MTOR: variants seen among roughly 807,000 people sequenced by gnomAD.
MTOR encodes mechanistic target of rapamycin kinase, also known as serine/threonine-protein kinase mTOR.
MTOR carries 70 observed loss-of-function variants against 319.8 expected under a neutral mutation model. That is an observed-to-expected ratio of 0.22 (90% CI 0.18 to 0.27). The LOEUF (loss-of-function observed/expected upper bound fraction) is 0.27. Ranked by LOEUF, MTOR falls within the 10% of genes least tolerant of loss-of-function variation. MTOR has a pLI of 1.00. For synonymous variants in MTOR, 1,183 were observed against 1,211.4 expected, an observed-to-expected ratio of 0.98 and a Z score of 0.49; for missense variants, 1,890 against 3,274.4, an observed-to-expected ratio of 0.58 and a Z score of 10.32.
At position 11,212,515 on chromosome 1, in the gene MTOR, T is replaced by C; in HGVS notation, c.3399-41A>G. On this transcript the variant is annotated intron_variant, in intron 22 of 57. Transcript: ENST00000361445. This position sits in a 1 kb window ranked among gnomAD's most constrained non-coding sequence, Gnocchi z 4.1. ...ACATACAGTAACTGCTAACATACAA[T>C]CTCCAAGGAAGAGACGTGACTGAGG... 1 of 1,593,932 alleles carries C rather than the reference T, an allele frequency of 6.3e-7. No homozygotes were observed.
intron 33 of MTOR, 52 bp downstream of exon 33, chr1:11,144,916 A>C (rs1404949685): frequency 4.4e-6 from 7 of 1,597,770 alleles, no homozygotes; most frequent in Non-Finnish European, 6.0e-6. Context: ...TTCTGAAAAA[A>C]GTATGGAAAT....
intron 5 of MTOR, among the ~76,000 whole-genome samples, chr1:11,255,357 T>C (rs1303035165): frequency 8.2e-6 from 1 of 122,536 alleles, no homozygotes; most frequent in Non-Finnish European, 1.6e-5. Flanking sequence ...AACTCCAGCT[T>C]GGTGACAGAA....
intron 9 of MTOR, among the ~76,000 whole-genome samples, chr1:11,242,131 A>G (rs1318925423): frequency 6.6e-6 from 1 of 152,154 alleles, no homozygotes; most frequent in Non-Finnish European, 1.5e-5. Context: ...TGGGAGGCGG[A>G]GGTGGGTGGA....
intron 47 of MTOR, among the ~76,000 whole-genome samples, chr1:11,123,120 G>A (rs976404361): frequency 4.6e-5 from 7 of 152,158 alleles, no homozygotes; most frequent in African/African-American, 1.7e-4. Flanking sequence ...CAGTCTACCC[G>A]CCACAAATTG....
intron 28 of MTOR, among the ~76,000 whole-genome samples, chr1:11,185,078 T>C (rs1249100709): frequency 6.6e-6 from 1 of 152,194 alleles, no homozygotes; most frequent in African/African-American, 2.4e-5. Context: ...TAGGTATCAC[T>C]TCTCTAGAAG....
chr1:11,143,340 C>T (rs1643804209), intron 34 of MTOR, among the ~76,000 whole-genome samples: 1 of 152,186 alleles, frequency 6.6e-6, no homozygotes, highest in Non-Finnish European at 1.5e-5. Context: ...TCTAAGTCTA[C>T]ATTTGGATCA....
rs1642507952 is a variant in MTOR at position 11,121,223 on chromosome 1, G to A, written c.6933+23C>T. ...GAGTGGGGGTTCCAGGAGAGCGCAG[G>A]TCTGCAGGGCCCAGTGGCCTACCTC... On this transcript the variant is annotated intron_variant, in intron 49 of 57. Coordinates refer to ENST00000361445, the MANE Select transcript of MTOR (RefSeq NM_004958.4). The surrounding 1 kb of genome is among the most constrained non-coding windows in gnomAD (Gnocchi z 4.9). 2 of 1,611,720 alleles carry A rather than the reference G, an allele frequency of 1.2e-6. No homozygotes were observed. The highest frequency in any genetic ancestry group is 2.7e-5 in the African/African-American group (2 of 75,056).
At chr1:11,153,905 T>C (rs1644229846) in intron 30 of MTOR, among the ~76,000 whole-genome samples, 3 of 150,610 alleles carry the variant, frequency 2.0e-5, no homozygotes, top group Non-Finnish European at 4.4e-5. Flanking sequence ...CCCATCTCCA[T>C]TAAAAATACA....
chr1:11,247,497 G>T, intron 8 of MTOR, 128 bp downstream of exon 8: 1 of 757,166 alleles, frequency 1.3e-6, no homozygotes, highest in Non-Finnish European at 2.2e-6. Flanking sequence ...ATTGAAATTG[G>T]ACATGAGACA....
chr1:11,201,791 T>A (rs1453392821), intron 26 of MTOR, among the ~76,000 whole-genome samples: 8 of 152,180 alleles, frequency 5.3e-5, no homozygotes. Context: ...TTCACATGCA[T>A]TAGAAGTTTT....
chr1:11,107,431 T>A lies in MTOR; in HGVS notation c.*54A>T. ...ATGGTTTCAGTTTAGTGGAAGCATT[T>A]ACTAAAGTACAAAAGCCTCAGAAAA... On this transcript the variant is annotated 3_prime_UTR_variant, in exon 58 of 58. Transcript: ENST00000361445. The A allele has an allele frequency of 6.3e-7, 1 of 1,586,140 alleles. No homozygotes were observed. The highest frequency in any genetic ancestry group is 1.2e-5 in the South Asian group (1 of 85,540).
At chr1:11,114,524 G>A (rs2100318863) in intron 52 of MTOR, 71 bp from the exon 53 acceptor site, 1 of 1,596,656 alleles carries the variant, frequency 6.3e-7, no homozygotes, top group Non-Finnish European at 8.6e-7. Context: ...GAGGGGGTCT[G>A]TTACCCTCAC....
In MTOR at chr1:11,199,492, C is replaced by G. The variant is rs1421496673; in HGVS notation, c.4107+49G>C. 6.2e-7 allele frequency: 1 copy of G among 1,613,650 alleles called. No homozygotes were observed. Among genetic ancestry groups the G allele is most frequent in the Admixed American group, 1.7e-5 (1 of 60,024 alleles). ...TGTGTGGATGCTTCTCTCCTCCCAC[C>G]AGCTGGTTCCCTGTCAGCCTCCATC... is the stretch of plus-strand genomic sequence containing the variant. On this transcript the variant is annotated intron_variant, in intron 27 of 57. Transcript: ENST00000361445. The surrounding 1 kb of genome is among the most constrained non-coding windows in gnomAD (Gnocchi z 4.5).
intron 9 of MTOR, 32 bp downstream of exon 9, chr1:11,243,082 G>A: frequency 1.2e-6 from 2 of 1,610,922 alleles, no homozygotes; most frequent in Non-Finnish European, 1.7e-6. Context: ...ACCAAATGGA[G>A]TGGAAGGTGA....
chr1:11,228,033 T>C (rs776633153), intron 19 of MTOR, among the ~76,000 whole-genome samples: 9 of 152,126 alleles, frequency 5.9e-5, no homozygotes, highest in Admixed American at 6.5e-5. Flanking sequence ...ACTTCACCTG[T>C]GTAGTATTTT....
intron 34 of MTOR, among the ~76,000 whole-genome samples, chr1:11,142,865 C>T (rs937806200): frequency 6.6e-6 from 1 of 152,178 alleles, no homozygotes; most frequent in African/African-American, 2.4e-5. Flanking sequence ...GAACCAAAAG[C>T]ATTGGTGCAA....
chr1:11,122,444 G>A (rs1016359711), intron 47 of MTOR, among the ~76,000 whole-genome samples: 2 of 149,422 alleles, frequency 1.3e-5, no homozygotes, highest in Non-Finnish European at 3.0e-5. Flanking sequence ...CTCATGATCC[G>A]CCTGCCTCGG....
chr1:11,228,237 G>A (rs1479048755), intron 19 of MTOR, among the ~76,000 whole-genome samples: 1 of 151,844 alleles, frequency 6.6e-6, no homozygotes, highest in Non-Finnish European at 1.5e-5. Context: ...CGTCCAAGCT[G>A]AAGCACGGTG....
At chr1:11,119,770 CACAA>C (rs908490283) in intron 49 of MTOR, among the ~76,000 whole-genome samples, 36 of 148,218 alleles carry the variant, frequency 2.4e-4, no homozygotes, top group East Asian at 3.9e-4. Context: ...AAACAAAACA[CACAA>C]ACAAACAAAC....
Sources: allele counts gnomAD v4.1 joint callset (sites outside exome capture counted in the v4.1 genomes callset), GRCh38; gene constraint gnomAD v4.1.1; non-coding constraint Gnocchi (gnomAD v3.1); transcripts MANE v1.5; gene names NCBI Gene and HGNC (gene_info 2026-07-23, HGNC 2026-07-21).